The following LYPD6 variants were observed in gnomAD, a reference collection of about 807,000 sequenced individuals.
The protein encoded by LYPD6 is LY6/PLAUR domain containing 6, also known as ly6/PLAUR domain-containing protein 6.
In LYPD6, 15 loss-of-function variants were observed where a neutral mutation model predicts 22.7. That is an observed-to-expected ratio of 0.66 (90% CI 0.44 to 1.02). The LOEUF is 1.02. LYPD6 is among the 50% of genes least tolerant of loss of function. The pLI is 0.00. For synonymous variants in LYPD6, 72 were observed against 77.5 expected, an observed-to-expected ratio of 0.93 and a Z score of 0.37; for missense variants, 189 against 208.4, an observed-to-expected ratio of 0.91 and a Z score of 0.57.
chr2:149,465,333 A>T (rs1681176839), intron 3 of LYPD6, among the ~76,000 whole-genome samples: 1 of 152,132 alleles, frequency 6.6e-6, no homozygotes, highest in African/African-American at 2.4e-5. Context: ...CAGTTGTTGC[A>T]GGGGAGTAGT....
chr2:149,366,936 C>A (rs561928595), intron 1 of LYPD6, among the ~76,000 whole-genome samples: 2 of 151,972 alleles, frequency 1.3e-5, no homozygotes, highest in Non-Finnish European at 2.9e-5. Context: ...TTTTAGAATA[C>A]GAAAATGATT....
rs1272805811 is a variant in LYPD6, at chr2:149,473,806, A to G, written c.*2956A>G. On this transcript the variant is annotated 3_prime_UTR_variant, in exon 5 of 5. Transcript: ENST00000334166. ...ACAATTCACCCATGCCAAATGATTC[A>G]TACAGGCTGTTTAAGTACTGCAGAA... 4.6e-5 allele frequency: 7 copies of G among 152,222 alleles called. No individual in the cohort carries two copies. Among genetic ancestry groups the G allele is most frequent in the African/African-American group, 1.7e-4 (7 of 41,472 alleles). 9.4% of individuals were successfully genotyped at this position (152,222 alleles called of 1,614,324 possible).
At chr2:149,419,089 G>A (rs1028402993) in intron 1 of LYPD6, among the ~76,000 whole-genome samples, 1 of 152,226 alleles carries the variant, frequency 6.6e-6, no homozygotes, top group African/African-American at 2.4e-5. Flanking sequence ...GGAGTCAAAT[G>A]TAAAGCATGG....
chr2:149,393,154 A>G (rs1281214374), intron 1 of LYPD6, among the ~76,000 whole-genome samples: 1 of 152,224 alleles, frequency 6.6e-6, no homozygotes, highest in Non-Finnish European at 1.5e-5. Flanking sequence ...CGAAGTTACA[A>G]TGACTCAGTG....
intron 1 of LYPD6, among the ~76,000 whole-genome samples, chr2:149,346,546 C>CAAGT (rs1681260012): frequency 6.6e-6 from 1 of 152,166 alleles, no homozygotes; most frequent in African/African-American, 2.4e-5. Flanking sequence ...ACATAACCTT[C>CAAGT]AAGTCATCTT....
At chr2:149,378,159 C>T (rs894591281) in intron 1 of LYPD6, among the ~76,000 whole-genome samples, 3 of 152,122 alleles carry the variant, frequency 2.0e-5, no homozygotes, top group African/African-American at 4.8e-5. Context: ...CTCTGTCACC[C>T]AGGCTGGAAT....
At chr2:149,474,211 T>C (rs1447229373), downstream of LYPD6, 1 of 152,176 alleles carries the variant, frequency 6.6e-6, no homozygotes, top group Non-Finnish European at 1.5e-5. Flanking sequence ...TTCGTTTTTT[T>C]GAGACAGCAG....
Position 149,336,167 on chromosome 2 carries a change from A to G in LYPD6, c.-72+5445A>G, listed in dbSNP as rs140500920. On this transcript the variant is annotated intron_variant, in intron 1 of 4. Coordinates refer to ENST00000334166, the MANE Select transcript of LYPD6 (RefSeq NM_194317.5). ...AAACAAAAAATGGAGATCAATAGGTATATCTCTGAGTGGACAAATAGCCTC... is the reference window on the plus strand; with the variant it reads ...AAACAAAAAATGGAGATCAATAGGTGTATCTCTGAGTGGACAAATAGCCTC... Among the ~76,000 whole-genome samples, 22 of 152,354 alleles carry G rather than the reference A, an allele frequency of 1.4e-4. No homozygotes were observed. The South Asian group carries it at 2.7e-3, about 19-fold the overall frequency.
At chr2:149,463,750 T>C (rs1681137602) in intron 3 of LYPD6, among the ~76,000 whole-genome samples, 1 of 152,142 alleles carries the variant, frequency 6.6e-6, no homozygotes, top group Non-Finnish European at 1.5e-5. Flanking sequence ...TGAATGAGAC[T>C]GAGTGAAAAT....
At chr2:149,421,453 A>G (rs1415159768) in intron 1 of LYPD6, among the ~76,000 whole-genome samples, 1 of 151,970 alleles carries the variant, frequency 6.6e-6, no homozygotes, top group Non-Finnish European at 1.5e-5. Flanking sequence ...TGTATCTGTA[A>G]AATGGAGTAA....
the LYPD6 span, among the ~76,000 whole-genome samples, chr2:149,480,302 G>T: frequency 6.6e-6 from 1 of 152,106 alleles, no homozygotes; most frequent in Non-Finnish European, 1.5e-5. Context: ...GAGCCACCAC[G>T]CCTGGCCTCT....
At chr2:149,466,574 C>T (rs947515674) in intron 3 of LYPD6, among the ~76,000 whole-genome samples, 2 of 152,060 alleles carry the variant, frequency 1.3e-5, no homozygotes, top group African/African-American at 4.8e-5. Flanking sequence ...TCAGTTGTTG[C>T]GTCTACTGTC....
intron 3 of LYPD6, among the ~76,000 whole-genome samples, chr2:149,460,452 T>G (rs1681064322): frequency 6.6e-6 from 1 of 152,122 alleles, no homozygotes; most frequent in Admixed American, 6.6e-5. Flanking sequence ...ATCTTAAGTA[T>G]ATAAGCATCA....
intron 1 of LYPD6, among the ~76,000 whole-genome samples, chr2:149,359,820 C>T (rs987794932): frequency 1.3e-5 from 2 of 152,142 alleles, no homozygotes; most frequent in Non-Finnish European, 2.9e-5. Context: ...GATCCCAATC[C>T]AGACCCCAAG....
the LYPD6 span, among the ~76,000 whole-genome samples, chr2:149,482,156 T>A: frequency 0.074 from 11,229 of 152,228 alleles, 840 homozygotes; most frequent in African/African-American, 0.19. Flanking sequence ...AATTCCAAAC[T>A]TATAGAAAAA....
chr2:149,367,032 G>GT (rs150363770), intron 1 of LYPD6, among the ~76,000 whole-genome samples: 3,145 of 149,832 alleles, frequency 0.021, 97 homozygotes, highest in African/African-American at 0.072. Context: ...AAAAACAAAA[G>GT]TTTTTTTTTT....
chr2:149,478,624 A>G (rs973117140), downstream of LYPD6, among the ~76,000 whole-genome samples: 2 of 151,880 alleles, frequency 1.3e-5, no homozygotes, highest in Admixed American at 6.6e-5. Context: ...GGGTCTTGCT[A>G]TATTGCCCAG....
chr2:149,462,452 T>C (rs1681106905), intron 3 of LYPD6, among the ~76,000 whole-genome samples: 2 of 151,646 alleles, frequency 1.3e-5, no homozygotes, highest in Non-Finnish European at 3.0e-5. Context: ...TGTTCATAGA[T>C]TGAAAGACAA....
intron 3 of LYPD6, among the ~76,000 whole-genome samples, chr2:149,456,512 C>T (rs930189410): frequency 6.6e-6 from 1 of 152,098 alleles, no homozygotes; most frequent in African/African-American, 2.4e-5. Flanking sequence ...AAGTCTTAAC[C>T]TTTAGTACCT....
Sources: allele counts gnomAD v4.1 joint callset (sites outside exome capture counted in the v4.1 genomes callset), GRCh38; gene constraint gnomAD v4.1.1; transcripts MANE v1.5; gene names NCBI Gene and HGNC (gene_info 2026-07-23, HGNC 2026-07-21).